Variants in BBX observed in about 807,000 individuals in gnomAD.
The protein encoded by BBX is HMG box transcription factor BBX.
In BBX, 30 loss-of-function variants were observed where a neutral mutation model predicts 100.2. That is an observed-to-expected ratio of 0.30 (90% CI 0.22 to 0.41). The LOEUF (loss-of-function observed/expected upper bound fraction) is 0.41. Ranked by LOEUF, BBX falls within the 10% of genes least tolerant of loss-of-function variation. The pLI is 1.00. For synonymous variants in BBX, 376 were observed against 388.1 expected, an observed-to-expected ratio of 0.97 and a Z score of 0.37; for missense variants, 1,023 against 1,129.8, an observed-to-expected ratio of 0.91 and a Z score of 1.35.
chr3:107,643,965 C>T (rs2057371316), intron 2 of BBX, among the ~76,000 whole-genome samples: 3 of 152,108 alleles, frequency 2.0e-5, no homozygotes, highest in Admixed American at 2.0e-4. Context: ...ACCATGATTC[C>T]TTCGTTATTT....
In BBX at chr3:107,791,309, G is replaced by A. The variant is rs762442150; in HGVS notation, c.2353+10G>A. Reference sequence around the variant, plus strand: ...ATTCACCCTACAGAAGGTAAGACAAGCAATGTTATTTAATTTGAGACAATC... The same window carrying A: ...ATTCACCCTACAGAAGGTAAGACAAACAATGTTATTTAATTTGAGACAATC... On this transcript the variant is annotated intron_variant, in intron 15 of 17. Transcript: ENST00000325805. The A allele has an allele frequency of 5.0e-6, 8 of 1,608,606 alleles. No homozygotes were observed. In the African/African-American group the frequency reaches 6.7e-5, roughly 13 times the overall value.
At position 107,805,483 on chromosome 3, in the gene BBX, T is replaced by A; in HGVS notation, c.*26T>A. 6.2e-7 allele frequency: 1 copy of A among 1,614,128 alleles called. No homozygotes were observed. Among genetic ancestry groups the A allele is most frequent in the Non-Finnish European group, 8.5e-7 (1 of 1,179,962 alleles). ...AGCGCCCTTTCATTGTAAAACATTGTGCTTTACCTACTACCCTAGCCTTGT... is the reference window on the plus strand; with the variant it reads ...AGCGCCCTTTCATTGTAAAACATTGAGCTTTACCTACTACCCTAGCCTTGT... On this transcript the variant is annotated 3_prime_UTR_variant, in exon 18 of 18. Transcript: ENST00000325805.
chr3:107,565,420 C>A (rs990271410), intron 2 of BBX, among the ~76,000 whole-genome samples: 1 of 149,774 alleles, frequency 6.7e-6, no homozygotes, highest in African/African-American at 2.4e-5. Flanking sequence ...ATATTTATTT[C>A]ACTACTATTA....
At chr3:107,654,819 T>A (rs977626301) in intron 3 of BBX, among the ~76,000 whole-genome samples, 3 of 152,282 alleles carry the variant, frequency 2.0e-5, no homozygotes, top group South Asian at 4.1e-4. Flanking sequence ...GTTACTTAGC[T>A]TTATGTGAAA....
At chr3:107,802,058 G>C (rs1369675183) in intron 17 of BBX, among the ~76,000 whole-genome samples, 2 of 152,130 alleles carry the variant, frequency 1.3e-5, no homozygotes, top group Non-Finnish European at 2.9e-5. Flanking sequence ...TGTATAATTG[G>C]GTATTCTGCT....
At chr3:107,685,711 A>G (rs918189985) in intron 3 of BBX, among the ~76,000 whole-genome samples, 1 of 152,246 alleles carries the variant, frequency 6.6e-6, no homozygotes, top group Non-Finnish European at 1.5e-5. Flanking sequence ...AGAAGTCCCA[A>G]TAACCACATA....
intron 8 of BBX, among the ~76,000 whole-genome samples, chr3:107,745,987 A>G (rs9834110): frequency 0.38 from 58,166 of 151,818 alleles, 12,335 homozygotes; most frequent in East Asian, 0.92. Flanking sequence ...AAAGGTCTCT[A>G]TCTCCAGGAG....
In BBX at chr3:107,659,888, A is replaced by G. The variant is rs1467856408; in HGVS notation, c.-10+13979A>G. The G allele has an allele frequency of 1.8e-5, 8 of 449,432 alleles. No individual in the cohort carries two copies. The Admixed American group carries it at 2.6e-4, about 15-fold the overall frequency. The allele number at this position is 449,432 out of a possible 1,614,324, so 27.8% of individuals were successfully genotyped here. On this transcript the variant is annotated intron_variant, in intron 3 of 17. Transcript: ENST00000325805. ...GCAGGATAAATTAAGAGGGACGTAT[A>G]ATATGACAGATTCCCTTCGTTGAAG...
At chr3:107,682,713 C>A (rs554978293) in intron 3 of BBX, among the ~76,000 whole-genome samples, 2 of 152,122 alleles carry the variant, frequency 1.3e-5, no homozygotes, top group Non-Finnish European at 2.9e-5. Context: ...TGCTTCACTT[C>A]TAAATACTGA....
chr3:107,665,574 C>T (rs2058697211), intron 3 of BBX, among the ~76,000 whole-genome samples: 1 of 152,238 alleles, frequency 6.6e-6, no homozygotes, highest in Non-Finnish European at 1.5e-5. Flanking sequence ...TGGGGGCATA[C>T]ATTGAACTTC....
chr3:107,557,361 A>G (rs2050161346), intron 2 of BBX, among the ~76,000 whole-genome samples: 1 of 152,178 alleles, frequency 6.6e-6, no homozygotes, highest in East Asian at 1.9e-4. Flanking sequence ...ATCATAATGG[A>G]CTTTCGTTAG....
chr3:107,734,653 T>TCGCAA (rs1217291224), intron 7 of BBX, among the ~76,000 whole-genome samples: 1 of 152,218 alleles, frequency 6.6e-6, no homozygotes, highest in East Asian at 1.9e-4. Context: ...AGTGTTTCAT[T>TCGCAA]CGCAACATCT....
At chr3:107,708,538 G>A (rs1364153059) in intron 3 of BBX, among the ~76,000 whole-genome samples, 1 of 152,034 alleles carries the variant, frequency 6.6e-6, no homozygotes, top group Non-Finnish European at 1.5e-5. Context: ...GCCGGTTGTG[G>A]TGGCGGGCGC....
intron 2 of BBX, among the ~76,000 whole-genome samples, chr3:107,533,085 T>A (rs561155942): frequency 1.4e-3 from 210 of 152,300 alleles, no homozygotes; most frequent in Non-Finnish European, 2.6e-3. Context: ...GCTTAGAATA[T>A]TCACATATTT....
At chr3:107,606,620 CA>C (rs2054464816) in intron 2 of BBX, among the ~76,000 whole-genome samples, 4 of 152,068 alleles carry the variant, frequency 2.6e-5, no homozygotes, top group Admixed American at 2.6e-4. Flanking sequence ...TATATTTTTA[CA>C]TGGCTATTTC....
chr3:107,651,228 C>T (rs953144205), intron 3 of BBX, among the ~76,000 whole-genome samples: 4 of 152,120 alleles, frequency 2.6e-5, no homozygotes, highest in South Asian at 2.1e-4. Context: ...ATACTTTCTA[C>T]GTGATTTAGT....
chr3:107,741,386 G>A (rs1483126406), intron 7 of BBX, among the ~76,000 whole-genome samples: 1 of 152,086 alleles, frequency 6.6e-6, no homozygotes, highest in African/African-American at 2.4e-5. Context: ...TGGTTATTGA[G>A]AATTATAACT....
At position 107,576,688 on chromosome 3, in the gene BBX, A is replaced by G. The variant is rs533429788; in HGVS notation, c.-84+50290A>G. 4.0e-4 allele frequency among the ~76,000 whole-genome samples: 60 copies of G among 151,196 alleles called. No homozygotes were observed. In the South Asian group the frequency reaches 0.012, roughly 30 times the overall value. The stretch of plus-strand genomic sequence containing the variant: ...TGACACTCAATATTTTTTAGATACA[A>G]GTCAAGATTCCAAATATTGATTGAT... On this transcript the variant is annotated intron_variant, in intron 2 of 17. Coordinates refer to ENST00000325805, the MANE Select transcript of BBX (RefSeq NM_001142568.3).
chr3:107,561,481 A>G (rs1294492577), intron 2 of BBX, among the ~76,000 whole-genome samples: 1 of 152,264 alleles, frequency 6.6e-6, no homozygotes, highest in African/African-American at 2.4e-5. Flanking sequence ...TGGAAATAGC[A>G]TCATTGACCA....
Sources: allele counts gnomAD v4.1 joint callset (sites outside exome capture counted in the v4.1 genomes callset), GRCh38; gene constraint gnomAD v4.1.1; transcripts MANE v1.5; gene names NCBI Gene and HGNC (gene_info 2026-07-23, HGNC 2026-07-21).